The following CADPS2 variants were observed in gnomAD, a reference collection of about 807,000 sequenced individuals.
CADPS2 encodes the protein calcium-dependent secretion activator 2.
Under a neutral mutation model 172.5 loss-of-function variants are expected in CADPS2, and 93 were observed. The observed-to-expected ratio is 0.54, with a 90% CI of 0.46 to 0.64. The LOEUF (loss-of-function observed/expected upper bound fraction) is 0.64. CADPS2 is among the 30% of genes least tolerant of loss of function. The pLI, the probability that CADPS2 is intolerant of heterozygous loss-of-function variation, is 0.00. For synonymous variants in CADPS2, 546 were observed against 555.2 expected, an observed-to-expected ratio of 0.98 and a Z score of 0.23; for missense variants, 1,420 against 1,565.9, an observed-to-expected ratio of 0.91 and a Z score of 1.57.
At chr7:122,734,388 A>AAT (rs2091974461) in intron 2 of CADPS2, among the ~76,000 whole-genome samples, 1 of 57,500 alleles carries the variant, frequency 1.7e-5, no homozygotes, top group Non-Finnish European at 3.8e-5. Context: ...AAAAAAAAAG[A>AAT]AAAAAAAAAA....
At chr7:122,445,457 T>C (rs1167424835) in intron 15 of CADPS2, among the ~76,000 whole-genome samples, 2 of 152,124 alleles carry the variant, frequency 1.3e-5, no homozygotes, top group Non-Finnish European at 2.9e-5. Flanking sequence ...TTTTTATTGT[T>C]ATTGTAAATG....
chr7:122,434,422 T>C (rs182879217), intron 17 of CADPS2, among the ~76,000 whole-genome samples: 3 of 152,176 alleles, frequency 2.0e-5, no homozygotes, highest in Non-Finnish European at 4.4e-5. Flanking sequence ...TAACATTGCA[T>C]ACAAAATTTG....
chr7:122,751,980 T>C (rs1200588125), intron 1 of CADPS2, among the ~76,000 whole-genome samples: 2 of 152,154 alleles, frequency 1.3e-5, no homozygotes, highest in Non-Finnish European at 2.9e-5. Flanking sequence ...AGTCCTTAGA[T>C]ACTCCCATTA....
chr7:122,588,788 G>A (rs1277700206), intron 6 of CADPS2, among the ~76,000 whole-genome samples: 1 of 151,852 alleles, frequency 6.6e-6, no homozygotes, highest in Non-Finnish European at 1.5e-5. Context: ...AAATGAGTAA[G>A]GACTGTGTTA....
At chr7:122,372,339 G>C (rs1405466522) in intron 25 of CADPS2, among the ~76,000 whole-genome samples, 1 of 152,184 alleles carries the variant, frequency 6.6e-6, no homozygotes, top group Non-Finnish European at 1.5e-5. Context: ...GACCAATGAT[G>C]GTGGCCCAAG....
rs140893372 is a variant in CADPS2 at position 122,575,442 on chromosome 7, C to CT, written c.1335+5736dup. Among the ~76,000 whole-genome samples, 414 of 143,280 alleles carry CT rather than the reference C, an allele frequency of 2.9e-3. 1 individual carries two copies. Among genetic ancestry groups the CT allele is most frequent in the African/African-American group, 5.3e-3 (210 of 39,352 alleles). The allele number at this position is 143,280 out of a possible 152,430, so 94.0% of individuals were successfully genotyped here. A position where few individuals can be genotyped will look rare whatever the true frequency, so the allele number is the denominator to read the frequency against. The stretch of plus-strand genomic sequence containing the variant: ...TTTTCTTTTCTTTTCTCTTCTTTTC[C>CT]TTTTTTTTTTTTGAAATGGAGTCTA... On this transcript the variant is annotated intron_variant, in intron 7 of 29. Transcript: ENST00000449022.
At chr7:122,873,219 T>C (rs559760866) in intron 1 of CADPS2, among the ~76,000 whole-genome samples, 3 of 152,278 alleles carry the variant, frequency 2.0e-5, no homozygotes, top group African/African-American at 7.2e-5. Context: ...CTGGGATACA[T>C]GTGCAGAATG....
chr7:122,320,639 G>A (rs2032225684), intron 29 of CADPS2, among the ~76,000 whole-genome samples: 2 of 152,020 alleles, frequency 1.3e-5, no homozygotes, highest in African/African-American at 4.8e-5. Context: ...ACAACCTGTA[G>A]CAAAAATAAA....
intron 1 of CADPS2, among the ~76,000 whole-genome samples, chr7:122,852,286 T>C (rs13240237): frequency 0.21 from 32,355 of 152,134 alleles, 3,670 homozygotes; most frequent in Middle Eastern, 0.31. Flanking sequence ...TGAATTCAAC[T>C]GTTCATTCAA....
At chr7:122,404,285 T>C (rs1210239426) in intron 20 of CADPS2, among the ~76,000 whole-genome samples, 2 of 152,104 alleles carry the variant, frequency 1.3e-5, no homozygotes, top group African/African-American at 2.4e-5. Context: ...AGAATGATGG[T>C]TTCCAGCTTC....
intron 29 of CADPS2, among the ~76,000 whole-genome samples, chr7:122,322,672 A>T (rs1339102286): frequency 6.6e-6 from 1 of 152,258 alleles, no homozygotes; most frequent in Non-Finnish European, 1.5e-5. Context: ...TCCCCCAAAA[A>T]ATCATTCTAA....
chr7:122,515,156 A>G (rs1304006461), intron 8 of CADPS2, among the ~76,000 whole-genome samples: 2 of 152,182 alleles, frequency 1.3e-5, no homozygotes, highest in Non-Finnish European at 2.9e-5. Flanking sequence ...AGCTAACTGA[A>G]GTTTTTGGTG....
intron 11 of CADPS2, among the ~76,000 whole-genome samples, chr7:122,483,477 T>C (rs2152273968): frequency 6.6e-6 from 1 of 151,570 alleles, no homozygotes; most frequent in Non-Finnish European, 1.5e-5. Context: ...TCAAAGGAGG[T>C]CCTCCAAGAA....
chr7:122,494,912 A>C (rs150181774), intron 9 of CADPS2, among the ~76,000 whole-genome samples: 1 of 151,532 alleles, frequency 6.6e-6, no homozygotes, highest in Non-Finnish European at 1.5e-5. Context: ...GTAATCACTT[A>C]AAGGTTTCAG....
intron 9 of CADPS2, among the ~76,000 whole-genome samples, chr7:122,510,059 GATT>G (rs2059906304): frequency 6.6e-6 from 1 of 151,980 alleles, no homozygotes; most frequent in Non-Finnish European, 1.5e-5. Flanking sequence ...AAAGGTAACA[GATT>G]ATTTTATAAT....
intron 6 of CADPS2, among the ~76,000 whole-genome samples, chr7:122,597,513 G>T (rs574986929): frequency 4.6e-5 from 7 of 152,132 alleles, no homozygotes; most frequent in African/African-American, 1.7e-4. Flanking sequence ...TATGCCCTGT[G>T]TCAGTAGAGA....
chr7:122,443,584 T>C (rs945913670), intron 15 of CADPS2, among the ~76,000 whole-genome samples: 1 of 143,290 alleles, frequency 7.0e-6, no homozygotes, highest in Non-Finnish European at 1.6e-5. Flanking sequence ...TATTTTTAAA[T>C]ACAGTATTTT....
At position 122,702,314 on chromosome 7, in the gene CADPS2, C is replaced by A. The variant is rs769257087; in HGVS notation, c.453+34641G>T. ...CATCACCGCGACTATATTTTCCGTCCCCTGGTGAGACATGGGAAATACTTT... is the reference window on the plus strand; with the variant it reads ...CATCACCGCGACTATATTTTCCGTCACCTGGTGAGACATGGGAAATACTTT... On this transcript the variant is annotated intron_variant, in intron 2 of 29. Transcript: ENST00000449022. The A allele has an allele frequency of 9.3e-6, 15 of 1,613,670 alleles. No individual in the cohort carries two copies. In the Admixed American group the frequency reaches 1.8e-4, roughly 20 times the overall value.
chr7:122,624,221 A>G (rs780492918), intron 4 of CADPS2, among the ~76,000 whole-genome samples: 3 of 152,226 alleles, frequency 2.0e-5, no homozygotes, highest in Non-Finnish European at 4.4e-5. Context: ...GTTGTTTTAA[A>G]CTAGAATTGA....
Sources: allele counts gnomAD v4.1 joint callset (sites outside exome capture counted in the v4.1 genomes callset), GRCh38; gene constraint gnomAD v4.1.1; transcripts MANE v1.5; gene names NCBI Gene and HGNC (gene_info 2026-07-23, HGNC 2026-07-21).